Variants in TSHZ2 observed in about 807,000 individuals in gnomAD.
TSHZ2 encodes the protein teashirt zinc finger homeobox 2, also known as teashirt homolog 2.
TSHZ2 carries 21 observed loss-of-function variants against 74.4 expected under a neutral mutation model. The ratio of observed to expected loss-of-function variants is 0.28; its 90% CI spans 0.20 to 0.41. The LOEUF (loss-of-function observed/expected upper bound fraction) is 0.41. TSHZ2 is among the 10% of genes least tolerant of loss of function. The pLI is 1.00. For synonymous variants in TSHZ2, 540 were observed against 515.3 expected (o/e 1.05, Z -0.65); for missense variants, 1,244 against 1,293.5 (o/e 0.96, Z 0.59).
chr20:53,484,372 TTA>T (rs1986235312), intron 2 of TSHZ2, among the ~76,000 whole-genome samples: 1 of 144,988 alleles, frequency 6.9e-6, no homozygotes, highest in South Asian at 2.3e-4. Context: ...TCACTTACTT[TTA>T]TCTCTCTCTT....
At chr20:53,084,410 C>G (rs1257548925) in intron 1 of TSHZ2, among the ~76,000 whole-genome samples, 1 of 152,132 alleles carries the variant, frequency 6.6e-6, no homozygotes. Context: ...TAAGATTCAG[C>G]CCAACAATAT....
At chr20:53,385,413 T>G (rs1267022835) in intron 2 of TSHZ2, among the ~76,000 whole-genome samples, 1 of 151,942 alleles carries the variant, frequency 6.6e-6, no homozygotes, top group Non-Finnish European at 1.5e-5. Context: ...AAAAGGCTAA[T>G]GGAGATACTG....
At chr20:52,984,508 G>A (rs1019080118) in intron 1 of TSHZ2, among the ~76,000 whole-genome samples, 4 of 152,104 alleles carry the variant, frequency 2.6e-5, no homozygotes. Context: ...TGAAAATCCG[G>A]GGCTAGAGCT....
chr20:53,249,871 C>A (rs972726172), intron 1 of TSHZ2, among the ~76,000 whole-genome samples: 8 of 152,152 alleles, frequency 5.3e-5, no homozygotes, highest in Admixed American at 3.9e-4. Context: ...ATGACCTAAT[C>A]CCTTTTACAA....
intron 1 of TSHZ2, among the ~76,000 whole-genome samples, chr20:53,108,954 C>T (rs1272698717): frequency 6.6e-6 from 1 of 152,118 alleles, no homozygotes; most frequent in Non-Finnish European, 1.5e-5. Context: ...TCTGCCCCTC[C>T]ACCCTCTACC....
chr20:53,264,417 G>A (rs35702938), intron 2 of TSHZ2, among the ~76,000 whole-genome samples: 2,929 of 152,306 alleles, frequency 0.019, 32 homozygotes, highest in Middle Eastern at 0.034. Context: ...CTCAACTTCA[G>A]TGTATATGGA....
At chr20:53,244,413 G>A (rs569379054) in intron 1 of TSHZ2, among the ~76,000 whole-genome samples, 7 of 152,178 alleles carry the variant, frequency 4.6e-5, no homozygotes, top group African/African-American at 1.4e-4. Context: ...TTCCTGTTTC[G>A]TTTCACTTTG....
intron 2 of TSHZ2, among the ~76,000 whole-genome samples, chr20:53,297,552 G>A (rs1991402457): frequency 6.6e-6 from 1 of 152,212 alleles, no homozygotes; most frequent in South Asian, 2.1e-4. Flanking sequence ...CACTGCACCT[G>A]GCCATAGAGA....
chr20:53,400,637 T>G (rs1982623056), intron 2 of TSHZ2: 1 of 152,296 alleles, frequency 6.6e-6, no homozygotes, highest in Non-Finnish European at 1.5e-5. Flanking sequence ...TTCTTGATTG[T>G]ACTCTCTACT....
chr20:52,989,126 T>C lies in TSHZ2; in HGVS notation c.40+15793T>C, dbSNP rs572576112. Among the ~76,000 whole-genome samples, 18 of 148,668 alleles carry C rather than the reference T, an allele frequency of 1.2e-4. 1 individual carries two copies. Among genetic ancestry groups the C allele is most frequent in the Middle Eastern group, 3.6e-3 (1 of 278 alleles). ...AAGGGATCCTATCTGAGAGGGAGAATGTTGTCTACACCAGAAATCATGATA... is the reference window on the plus strand; with the variant it reads ...AAGGGATCCTATCTGAGAGGGAGAACGTTGTCTACACCAGAAATCATGATA... On this transcript the variant is annotated intron_variant, in intron 1 of 2. Transcript: ENST00000371497.
At chr20:53,359,202 T>C (rs1329710279) in intron 2 of TSHZ2, among the ~76,000 whole-genome samples, 1 of 152,182 alleles carries the variant, frequency 6.6e-6, no homozygotes, top group African/African-American at 2.4e-5. Flanking sequence ...AATTTGCTTT[T>C]GTAGATAAAG....
chr20:53,272,315 G>A (rs939326281), intron 2 of TSHZ2, among the ~76,000 whole-genome samples: 1 of 152,120 alleles, frequency 6.6e-6, no homozygotes, highest in African/African-American at 2.4e-5. Flanking sequence ...CGGCCGAGAA[G>A]TGGACTTTTA....
rs1185573405 is a variant in TSHZ2 at position 53,256,207 on chromosome 20, A to G, written c.2749A>G (p.Lys917Glu). The G allele has an allele frequency of 2.5e-6, 4 of 1,613,106 alleles. No individual in the cohort carries two copies. The South Asian group carries it at 4.4e-5, about 18-fold the overall frequency. The change falls in exon 2 of 3, where the codon AAA (lysine) becomes GAA (glutamate). Residue 917 changes from lysine (K) to glutamate (E), a missense_variant. By Grantham distance (56) the Lys-to-Glu change is moderately conservative. This residue lies in a region of TSHZ2 where 185 missense variants were observed against 213.3 expected (regional missense o/e 0.87). Coordinates refer to ENST00000371497, the MANE Select transcript of TSHZ2 (RefSeq NM_173485.6). This position sits in a 1 kb window ranked among gnomAD's most constrained non-coding sequence, Gnocchi z 4.3. ...GAAAACGGGCGGGACAAAATTTCTG[A>G]AAAACATGGACAAAGGCCACCCCAT... ...LRKTGGTKFL[K>E]NMDKGHPIFY...
rs73270667 is a variant in TSHZ2 at position 53,174,184 on chromosome 20, G to A, written c.41-79315G>A. On this transcript the variant is annotated intron_variant, in intron 1 of 2. Transcript: ENST00000371497. Reference sequence around the variant, plus strand: ...TCAAATGGGCTAGAGTAAGAACAAAGCGTTAGAGCTAGGATAGGGTTGTGC... The same window carrying A: ...TCAAATGGGCTAGAGTAAGAACAAAACGTTAGAGCTAGGATAGGGTTGTGC... Among the ~76,000 whole-genome samples, 931 of 152,320 alleles carry A rather than the reference G, an allele frequency of 6.1e-3. 7 individuals are homozygous for A. The highest frequency in any genetic ancestry group is 0.021 in the African/African-American group (882 of 41,556).
chr20:53,395,818 G>C (rs534395818), intron 2 of TSHZ2, among the ~76,000 whole-genome samples: 221 of 152,314 alleles, frequency 1.5e-3, no homozygotes, highest in African/African-American at 5.1e-3. Flanking sequence ...TGACTTCACT[G>C]GTCAACCTAT....
intron 2 of TSHZ2, among the ~76,000 whole-genome samples, chr20:53,277,666 C>T (rs184457053): frequency 1.0e-3 from 155 of 152,256 alleles, no homozygotes; most frequent in Non-Finnish European, 1.9e-3. Flanking sequence ...TTAGATGCAC[C>T]AGTAGATAGA....
intron 2 of TSHZ2, among the ~76,000 whole-genome samples, chr20:53,260,409 G>A (rs1433637195): frequency 1.3e-5 from 2 of 152,152 alleles, no homozygotes; most frequent in African/African-American, 4.8e-5. Flanking sequence ...GAAAGCCATC[G>A]TTCCACAGCA....
intron 2 of TSHZ2, among the ~76,000 whole-genome samples, chr20:53,401,937 C>G (rs1042030813): frequency 2.0e-5 from 3 of 152,036 alleles, no homozygotes; most frequent in African/African-American, 7.2e-5. Context: ...CACCCGCCAC[C>G]ATGCCTGGCT....
chr20:52,976,078 C>A (rs1214292010), intron 1 of TSHZ2, among the ~76,000 whole-genome samples: 1 of 152,184 alleles, frequency 6.6e-6, no homozygotes, highest in Non-Finnish European at 1.5e-5. Flanking sequence ...CTGTTCCAGG[C>A]AATTTGATTC....
Sources: allele counts gnomAD v4.1 joint callset (sites outside exome capture counted in the v4.1 genomes callset), GRCh38; gene constraint gnomAD v4.1.1; regional missense constraint gnomAD v4.1.1; non-coding constraint Gnocchi (gnomAD v3.1); transcripts MANE v1.5; gene names NCBI Gene and HGNC (gene_info 2026-07-23, HGNC 2026-07-21).